BFSP1: variants seen among roughly 807,000 people sequenced by gnomAD.
BFSP1 encodes the protein beaded filament structural protein 1.
A neutral mutation model predicts 43.9 loss-of-function variants in BFSP1; 38 were observed. That is an observed-to-expected ratio of 0.87 (90% CI 0.67 to 1.14). The LOEUF (loss-of-function observed/expected upper bound fraction) is 1.14, where lower values mean the gene tolerates loss of function less well. Among genes scored for constraint, BFSP1 ranks in the 50% most tolerant of loss-of-function variants. The pLI is 0.00. For missense variants in BFSP1, 850 were observed against 875.1 expected (o/e 0.97, Z 0.36); for synonymous variants, 352 against 354.8 (o/e 0.99, Z 0.09).
rs1015516074 is a variant in BFSP1, at chr20:17,498,477, G to A, written c.956+343C>T. Among the ~76,000 whole-genome samples the A allele has an allele frequency of 2.0e-5, 3 of 152,116 alleles. No individual in the cohort carries two copies. In the East Asian group the frequency reaches 5.8e-4, roughly 29 times the overall value. ...TGCAGCACCTCATTAAATACTCCTG[G>A]GCATCCCACCTGCTGGGACACTTAT... On this transcript the variant is annotated intron_variant, in intron 6 of 7. Transcript: ENST00000377873.
exon 1 of BFSP1, chr20:17,558,812 G>GGTTTT: frequency 7.1e-7 from 1 of 1,411,820 alleles, no homozygotes; most frequent in Non-Finnish European, 9.5e-7. Context: ...CTCTCCAGAG[G>GGTTTT]GCCAGGTCTG....
At position 17,498,776 on chromosome 20, in the gene BFSP1, T is replaced by G. The variant is rs200521597; in HGVS notation, c.956+44A>C. On this transcript the variant is annotated intron_variant, in intron 6 of 7. Transcript: ENST00000377873. ...ACACAATAGGCACTCAATAAAGAGTTGTGGAAGGAATAAGTGGCCTGGATG... is the reference window on the plus strand; with the variant it reads ...ACACAATAGGCACTCAATAAAGAGTGGTGGAAGGAATAAGTGGCCTGGATG... The G allele has an allele frequency of 8.2e-4, 1,311 of 1,589,282 alleles. 3 individuals carry two copies. Among genetic ancestry groups the G allele is most frequent in the Non-Finnish European group, 1.1e-3 (1,232 of 1,165,540 alleles).
Position 17,507,272 on chromosome 20 carries a change from GGTGTGTGT to G in BFSP1, c.735+1609_735+1616del, listed in dbSNP as rs373485156. On this transcript the variant is annotated intron_variant, in intron 5 of 7. Coordinates refer to ENST00000377873, the MANE Select transcript of BFSP1 (RefSeq NM_001195.5). The surrounding 1 kb of genome is among the most constrained non-coding windows in gnomAD (Gnocchi z 4.4). ...GCGAGCCATACACATCAGATAGGTA[GGTGTGTGT>G]GTGTGTGTGTGTGTGTGTGTGTGTG... Among the ~76,000 whole-genome samples, 3 of 141,226 alleles carry G rather than the reference GGTGTGTGT, an allele frequency of 2.1e-5. No homozygotes were observed. The highest frequency in any genetic ancestry group is 2.6e-5 in the African/African-American group (1 of 37,768). The allele number at this position is 141,226 out of a possible 152,430, so 92.6% of individuals were successfully genotyped here.
At chr20:17,531,518 G>T, upstream of BFSP1, 1 of 893,940 alleles carries the variant, frequency 1.1e-6, no homozygotes, top group Non-Finnish European at 1.5e-6. Flanking sequence ...GGCCCGCTTT[G>T]TGCGGCGGAT....
At chr20:17,545,478 G>A (rs1480335305) in intron 1 of BFSP1, among the ~76,000 whole-genome samples, 2 of 152,224 alleles carry the variant, frequency 1.3e-5, no homozygotes, top group Non-Finnish European at 2.9e-5. Flanking sequence ...GAAGGAGGGG[G>A]CCGGGCACGG....
chr20:17,545,586 A>G (rs1269501858), intron 1 of BFSP1, among the ~76,000 whole-genome samples: 1 of 152,066 alleles, frequency 6.6e-6, no homozygotes, highest in African/African-American at 2.4e-5. Flanking sequence ...AATCAACTCC[A>G]TCTTAAAACT....
chr20:17,548,637 G>A (rs1227095673), intron 1 of BFSP1, among the ~76,000 whole-genome samples: 1 of 152,126 alleles, frequency 6.6e-6, no homozygotes, highest in South Asian at 2.1e-4. Flanking sequence ...TCTTCTCCAA[G>A]GGGCTTTTAT....
At chr20:17,496,838 G>C (rs1418619244) in intron 7 of BFSP1, 100 bp downstream of exon 7, 3 of 1,084,388 alleles carry the variant, frequency 2.8e-6, no homozygotes, top group Non-Finnish European at 3.9e-6. Flanking sequence ...TTAATTTCCA[G>C]ATGGATCTGA....
upstream of BFSP1, among the ~76,000 whole-genome samples, chr20:17,532,233 C>T (rs2034557892): frequency 6.6e-6 from 1 of 151,146 alleles, no homozygotes; most frequent in African/African-American, 2.4e-5. Context: ...GGTGAAACTC[C>T]GTCTCTACTA....
chr20:17,497,075 C>A (rs368940342), intron 6 of BFSP1, 52 bp from the exon 7 acceptor site: 15 of 1,347,552 alleles, frequency 1.1e-5, no homozygotes, highest in Non-Finnish European at 1.4e-5. Flanking sequence ...GGGGCAAGAG[C>A]GACTCTCGTT....
At chr20:17,550,701 G>C (rs568083339) in intron 1 of BFSP1, among the ~76,000 whole-genome samples, 1 of 152,244 alleles carries the variant, frequency 6.6e-6, no homozygotes, top group African/African-American at 2.4e-5. Context: ...TTAAACTCCT[G>C]ACCTCAGGTG....
At chr20:17,521,770 G>A (rs1254845151) in intron 2 of BFSP1, among the ~76,000 whole-genome samples, 21 of 152,304 alleles carry the variant, frequency 1.4e-4, no homozygotes, top group Non-Finnish European at 1.5e-5. Flanking sequence ...GGTAAGGGAG[G>A]CTAGTGAGCC....
intron 4 of BFSP1, among the ~76,000 whole-genome samples, chr20:17,509,821 G>A (rs1453749342): frequency 6.6e-6 from 1 of 152,162 alleles, no homozygotes; most frequent in Non-Finnish European, 1.5e-5. Context: ...CTGCCAAGCA[G>A]GTCCCTCTCT....
intron 1 of BFSP1, among the ~76,000 whole-genome samples, chr20:17,567,686 A>C (rs189643875): frequency 6.6e-6 from 1 of 152,206 alleles, no homozygotes; most frequent in Non-Finnish European, 1.5e-5. Flanking sequence ...ACACGGAGAA[A>C]CCTTATCTCT....
intron 1 of BFSP1, among the ~76,000 whole-genome samples, chr20:17,530,359 T>C (rs531054258): frequency 6.6e-6 from 1 of 152,346 alleles, no homozygotes; most frequent in South Asian, 2.1e-4. Context: ...TGAGCCTCAG[T>C]CGCCTCATCT....
intron 2 of BFSP1, among the ~76,000 whole-genome samples, chr20:17,515,423 T>TA (rs1462414403): frequency 2.6e-5 from 4 of 152,246 alleles, no homozygotes; most frequent in Admixed American, 1.3e-4. Flanking sequence ...CAAGGACTGT[T>TA]AACATTTACC....
intron 2 of BFSP1, among the ~76,000 whole-genome samples, chr20:17,523,552 G>C (rs73262328): frequency 0.011 from 1,608 of 151,630 alleles, 33 homozygotes; most frequent in African/African-American, 0.037. Flanking sequence ...ATGTCCAACA[G>C]GCTCGAGGCC....
rs1372193884 is a variant in BFSP1, at chr20:17,530,964, C to T, written c.366G>A (p.Glu122=). ...TGGCCGCCGCTTACTTGCTTCGGAA[C>T]TCGTCGAGCGCGCGCTGCGCCTCGG... ...QGTEAQRALD[E]FRSKYENECE... is the part of the protein sequence containing the mutation. The change falls in exon 1 of 8, where the codon GAG becomes GAA. Residue 122 remains glutamate (E), a synonymous_variant. Transcript: ENST00000377873. The T allele has an allele frequency of 4.9e-6, 7 of 1,436,834 alleles. No individual in the cohort carries two copies. Among genetic ancestry groups the T allele is most frequent in the East Asian group, 3.0e-5 (1 of 32,840 alleles). The allele number at this position is 1,436,834 out of a possible 1,614,324, so 89.0% of individuals were successfully genotyped here. A position where few individuals can be genotyped will look rare whatever the true frequency, so the allele number is the denominator to read the frequency against.
chr20:17,516,956 T>A, intron 2 of BFSP1: 1 of 746,460 alleles, frequency 1.3e-6, no homozygotes, highest in South Asian at 1.4e-5. Flanking sequence ...GAATTCCTCC[T>A]GATCAGTAAA....
Sources: gnomAD v4.1 joint callset for allele counts (sites outside exome capture counted in the v4.1 genomes callset) on GRCh38, gnomAD v4.1.1 for gene constraint, Gnocchi (gnomAD v3.1) non-coding constraint, MANE v1.5 for transcripts, NCBI Gene and HGNC (gene_info 2026-07-23, HGNC 2026-07-21) for gene names.